The following EPHA6 variants were observed in gnomAD, a reference collection of about 807,000 sequenced individuals.
EPHA6 encodes the protein EPH receptor A6.
Under a neutral mutation model 112.0 loss-of-function variants are expected in EPHA6, and 50 were observed. That is an observed-to-expected ratio of 0.45 (90% CI 0.36 to 0.56). The LOEUF (loss-of-function observed/expected upper bound fraction) is 0.56. Among genes scored for constraint, EPHA6 ranks in the 20% least tolerant of loss-of-function variants. The pLI is 0.00. For missense variants in EPHA6, 1,280 were observed against 1,417.4 expected, an observed-to-expected ratio of 0.90 and a Z score of 1.56; for synonymous variants, 529 against 490.7, an observed-to-expected ratio of 1.08 and a Z score of -1.03.
At chr3:97,174,569 G>T (rs894227872) in intron 3 of EPHA6, among the ~76,000 whole-genome samples, 1 of 151,746 alleles carries the variant, frequency 6.6e-6, no homozygotes, top group Non-Finnish European at 1.5e-5. Context: ...GTTATTGCTT[G>T]TCTTTTAGAT....
chr3:97,384,917 T>C (rs1021810630), intron 5 of EPHA6, among the ~76,000 whole-genome samples: 3 of 152,198 alleles, frequency 2.0e-5, no homozygotes, highest in Non-Finnish European at 4.4e-5. Flanking sequence ...GATATGCTGA[T>C]GAGTGTTTAA....
chr3:97,317,059 T>A (rs555311944), intron 5 of EPHA6, among the ~76,000 whole-genome samples: 2 of 151,988 alleles, frequency 1.3e-5, no homozygotes, highest in South Asian at 4.1e-4. Flanking sequence ...TACCAAGTTA[T>A]AATTACTTAA....
chr3:97,148,791 T>C (rs951364988), intron 3 of EPHA6, among the ~76,000 whole-genome samples: 1 of 152,134 alleles, frequency 6.6e-6, no homozygotes, highest in African/African-American at 2.4e-5. Context: ...CAGCAAAATA[T>C]GTTCTAGCAA....
intron 2 of EPHA6, among the ~76,000 whole-genome samples, chr3:96,890,668 A>C (rs2037900639): frequency 6.6e-6 from 1 of 152,268 alleles, no homozygotes; most frequent in South Asian, 2.1e-4. Flanking sequence ...AACTGAAAAC[A>C]AAATAAAATG....
rs768454079 is a variant in EPHA6 at position 97,752,521 on chromosome 3, G to A, written c.*3820G>A. ...TTATTCCTTTCTCAGCTTCTATCAC[G>A]CCACACATTATCTCAATCAGCATAA... On this transcript the variant is annotated 3_prime_UTR_variant, in exon 18 of 18. Transcript: ENST00000389672. 10 of 218,018 alleles carry A rather than the reference G, an allele frequency of 4.6e-5. No individual in the cohort carries two copies. Among genetic ancestry groups the A allele is most frequent in the East Asian group, 1.3e-4 (2 of 14,910 alleles). The allele number at this position is 218,018 out of a possible 1,614,324, so 13.5% of individuals were successfully genotyped here.
chr3:97,580,621 G>A (rs553020971), intron 11 of EPHA6, among the ~76,000 whole-genome samples: 1 of 152,290 alleles, frequency 6.6e-6, no homozygotes. Context: ...CAAGGGGCTG[G>A]AAGATGTGAA....
intron 10 of EPHA6, among the ~76,000 whole-genome samples, chr3:97,524,026 T>A (rs2092583340): frequency 6.6e-6 from 1 of 152,038 alleles, no homozygotes; most frequent in Non-Finnish European, 1.5e-5. Context: ...TATTATTGGA[T>A]CTTGTTTTTT....
At chr3:97,177,343 T>C (rs1281047743) in intron 3 of EPHA6, among the ~76,000 whole-genome samples, 1 of 151,976 alleles carries the variant, frequency 6.6e-6, no homozygotes, top group Admixed American at 6.6e-5. Flanking sequence ...AAAGAATCTG[T>C]ATTCTGAAGC....
At chr3:97,039,648 A>G (rs1017558327) in intron 3 of EPHA6, among the ~76,000 whole-genome samples, 1 of 151,878 alleles carries the variant, frequency 6.6e-6, no homozygotes, top group Non-Finnish European at 1.5e-5. Flanking sequence ...TTAGCTTGTA[A>G]TTTCAAATAT....
intron 2 of EPHA6, among the ~76,000 whole-genome samples, chr3:96,906,689 A>C (rs148959632): frequency 6.6e-6 from 1 of 152,056 alleles, no homozygotes; most frequent in Non-Finnish European, 1.5e-5. Flanking sequence ...ATGAGACTAC[A>C]TAGCAGCTGC....
chr3:96,975,416 C>T (rs1009742309), intron 2 of EPHA6, among the ~76,000 whole-genome samples: 27 of 152,016 alleles, frequency 1.8e-4, no homozygotes, highest in African/African-American at 6.5e-4. Flanking sequence ...GTTAGAAGAC[C>T]TAGTTCTAAT....
intron 10 of EPHA6, among the ~76,000 whole-genome samples, chr3:97,518,399 A>G (rs1032227192): frequency 6.0e-5 from 9 of 151,144 alleles, no homozygotes; most frequent in Non-Finnish European, 1.2e-4. Flanking sequence ...AGAAGTGCCT[A>G]TTGTAAATAG....
intron 14 of EPHA6, among the ~76,000 whole-genome samples, chr3:97,665,871 C>T (rs2107645708): frequency 6.6e-6 from 1 of 152,252 alleles, no homozygotes; most frequent in South Asian, 2.1e-4. Context: ...ATCTGGCCAA[C>T]ATAGTGAAAC....
chr3:97,633,101 G>A (rs1420947192), intron 13 of EPHA6, among the ~76,000 whole-genome samples: 1 of 152,076 alleles, frequency 6.6e-6, no homozygotes, highest in Non-Finnish European at 1.5e-5. Context: ...AATGCGACAT[G>A]TCATTTACTG....
At chr3:96,818,248 C>T (rs2032962831) in intron 1 of EPHA6, among the ~76,000 whole-genome samples, 1 of 151,930 alleles carries the variant, frequency 6.6e-6, no homozygotes, top group Non-Finnish European at 1.5e-5. Context: ...GGCCAGTAGA[C>T]ACCAGGGATC....
intron 3 of EPHA6, among the ~76,000 whole-genome samples, chr3:97,175,865 T>G (rs1235326278): frequency 3.3e-5 from 5 of 151,906 alleles, no homozygotes; most frequent in Non-Finnish European, 7.4e-5. Flanking sequence ...CAATTTAATT[T>G]CTTTATTTTC....
At chr3:97,176,297 G>A (rs2076833674) in intron 3 of EPHA6, among the ~76,000 whole-genome samples, 1 of 151,852 alleles carries the variant, frequency 6.6e-6, no homozygotes, top group Non-Finnish European at 1.5e-5. Context: ...AATTCAGTTT[G>A]CTAGTGTTTA....
chr3:97,107,593 T>A (rs556697690), intron 3 of EPHA6, among the ~76,000 whole-genome samples: 1 of 152,306 alleles, frequency 6.6e-6, no homozygotes, highest in East Asian at 1.9e-4. Flanking sequence ...AAGTTATTTC[T>A]AACTTCATGC....
At chr3:97,627,216 CT>C (rs1366599917) in intron 13 of EPHA6, among the ~76,000 whole-genome samples, 1 of 151,834 alleles carries the variant, frequency 6.6e-6, no homozygotes, top group Non-Finnish European at 1.5e-5. Context: ...AGGCCAGGTA[CT>C]TTTCTGGATC....
Sources: allele counts gnomAD v4.1 joint callset (sites outside exome capture counted in the v4.1 genomes callset), GRCh38; gene constraint gnomAD v4.1.1; transcripts MANE v1.5; gene names NCBI Gene and HGNC (gene_info 2026-07-23, HGNC 2026-07-21).